Variants in FHOD3 observed in about 807,000 individuals in gnomAD.
The protein encoded by FHOD3 is FH1/FH2 domain-containing protein 3.
Under a neutral mutation model 173.0 loss-of-function variants are expected in FHOD3, and 90 were observed. The ratio of observed to expected loss-of-function variants is 0.52; its 90% CI spans 0.44 to 0.62. The LOEUF (loss-of-function observed/expected upper bound fraction) is 0.62. Ranked by LOEUF, FHOD3 falls within the 20% of genes least tolerant of loss-of-function variation. The pLI, the probability that FHOD3 is intolerant of heterozygous loss-of-function variation, is 0.00. For missense variants in FHOD3, 1,945 were observed against 2,034.7 expected (o/e 0.96, Z 0.85); for synonymous variants, 828 against 823.0 (o/e 1.01, Z -0.10).
chr18:36,776,863 C>T (rs1361337874), intron 28 of FHOD3, among the ~76,000 whole-genome samples: 2 of 152,178 alleles, frequency 1.3e-5, no homozygotes, highest in African/African-American at 4.8e-5. Flanking sequence ...TAGTTCTGTT[C>T]TCTGAGCCTG....
chr18:36,549,817 G>A (rs1019237145), intron 5 of FHOD3, among the ~76,000 whole-genome samples: 9 of 151,204 alleles, frequency 6.0e-5, no homozygotes, highest in Non-Finnish European at 1.2e-4. Flanking sequence ...CAAAATGCTG[G>A]GATTACAGGC....
chr18:36,649,199 A>C, intron 10 of FHOD3, 117 bp from the exon 11 acceptor site: 2 of 580,462 alleles, frequency 3.4e-6, no homozygotes, highest in Non-Finnish European at 5.6e-6. Flanking sequence ...TTTAATTATT[A>C]TTATTTCGTT....
At chr18:36,740,273 ACAAAAGT>A (rs2041841574) in intron 20 of FHOD3, among the ~76,000 whole-genome samples, 1 of 152,222 alleles carries the variant, frequency 6.6e-6, no homozygotes, top group Non-Finnish European at 1.5e-5. Flanking sequence ...TGTCACATGA[ACAAAAGT>A]CAATCTGAGT....
intron 1 of FHOD3, among the ~76,000 whole-genome samples, chr18:36,332,622 T>A (rs2045080707): frequency 6.6e-6 from 1 of 152,222 alleles, no homozygotes; most frequent in African/African-American, 2.4e-5. Context: ...TGTTTCTGTG[T>A]CCTAGACAAC....
intron 3 of FHOD3, among the ~76,000 whole-genome samples, chr18:36,441,881 AT>A (rs1458469165): frequency 1.3e-5 from 2 of 152,162 alleles, no homozygotes; most frequent in Admixed American, 6.5e-5. Flanking sequence ...ACGTTGCATG[AT>A]TTTTTTAAAA....
chr18:36,446,890 T>G (rs1282515990), intron 3 of FHOD3, among the ~76,000 whole-genome samples: 1 of 151,990 alleles, frequency 6.6e-6, no homozygotes, highest in African/African-American at 2.4e-5. Flanking sequence ...ACTAAAAACT[T>G]CTAAAATGAA....
intron 9 of FHOD3, among the ~76,000 whole-genome samples, chr18:36,618,261 A>T (rs1443082680): frequency 7.2e-6 from 1 of 138,448 alleles, no homozygotes; most frequent in Admixed American, 7.1e-5. Context: ...TCTTTTAACC[A>T]TCATTGCATT....
At chr18:36,419,050 A>T (rs985983880) in intron 3 of FHOD3, among the ~76,000 whole-genome samples, 2 of 152,124 alleles carry the variant, frequency 1.3e-5, no homozygotes, top group African/African-American at 4.8e-5. Flanking sequence ...TATGGTTCTA[A>T]AAAGAACTTA....
chr18:36,494,983 C>G (rs1305736669), intron 3 of FHOD3, among the ~76,000 whole-genome samples: 2 of 152,170 alleles, frequency 1.3e-5, no homozygotes, highest in African/African-American at 4.8e-5. Context: ...CGCTCTGTCG[C>G]CAAGGCTGGA....
At chr18:36,779,328 T>C (rs1055510909) in intron 28 of FHOD3, 120 bp from the exon 29 acceptor site, 1 of 845,740 alleles carries the variant, frequency 1.2e-6, no homozygotes, top group African/African-American at 1.7e-5. Flanking sequence ...GTGAACCCTC[T>C]GGCTTCTCTG....
At chr18:36,379,823 CCCATG>C (rs560181484) in intron 3 of FHOD3, among the ~76,000 whole-genome samples, 1 of 152,124 alleles carries the variant, frequency 6.6e-6, no homozygotes, top group South Asian at 2.1e-4. Context: ...TTTGGCTGTC[CCCATG>C]AAGAGACAAC....
chr18:36,560,073 C>T (rs1448251215), intron 5 of FHOD3, among the ~76,000 whole-genome samples: 2 of 152,146 alleles, frequency 1.3e-5, no homozygotes, highest in East Asian at 1.9e-4. Flanking sequence ...TTTCAGGAAC[C>T]GTCCTTGGGC....
At chr18:36,378,514 G>C (rs1465383709) in intron 3 of FHOD3, among the ~76,000 whole-genome samples, 1 of 151,092 alleles carries the variant, frequency 6.6e-6, no homozygotes, top group Non-Finnish European at 1.5e-5. Context: ...ACTCTGTGTG[G>C]GTAGCTGCCT....
chr18:36,700,098 G>C (rs912079042), intron 17 of FHOD3, among the ~76,000 whole-genome samples: 1 of 152,060 alleles, frequency 6.6e-6, no homozygotes, highest in Non-Finnish European at 1.5e-5. Flanking sequence ...TTTTCACTAC[G>C]TGGTGGGTTT....
chr18:36,750,227 G>T (rs1185015057), intron 24 of FHOD3, among the ~76,000 whole-genome samples: 1 of 152,160 alleles, frequency 6.6e-6, no homozygotes, highest in Non-Finnish European at 1.5e-5. Flanking sequence ...GGTGGAGCTT[G>T]CAGTGAGCCG....
intron 2 of FHOD3, among the ~76,000 whole-genome samples, chr18:36,371,013 T>C (rs1479430120): frequency 6.6e-6 from 1 of 152,224 alleles, no homozygotes; most frequent in Non-Finnish European, 1.5e-5. Flanking sequence ...GGAGAATATG[T>C]TTTTGTGGAA....
rs146381690 is a variant in FHOD3, at chr18:36,418,856, A to G, written c.337+46112A>G. Among the ~76,000 whole-genome samples, 582 of 152,208 alleles carry G rather than the reference A, an allele frequency of 3.8e-3. 6 individuals carry two copies. Among genetic ancestry groups the G allele is most frequent in the African/African-American group, 0.013 (550 of 41,554 alleles). ...TTGAGCCCGGGAGGCAGAGGTTGCA[A>G]TGAGCCGAGATCGCGCCATTGCACT... On this transcript the variant is annotated intron_variant, in intron 3 of 28. Transcript: ENST00000590592.
intron 2 of FHOD3, among the ~76,000 whole-genome samples, chr18:36,362,207 C>T (rs536929093): frequency 3.3e-5 from 5 of 152,204 alleles, no homozygotes; most frequent in Admixed American, 2.0e-4. Flanking sequence ...GATGTAACCC[C>T]CTGGGGGGAC....
chr18:36,395,546 T>C (rs958595131), intron 3 of FHOD3, among the ~76,000 whole-genome samples: 4 of 152,202 alleles, frequency 2.6e-5, no homozygotes, highest in Admixed American at 2.0e-4. Context: ...TTCTTTTTTT[T>C]CATAATAATT....
Sources: gnomAD v4.1 joint callset for allele counts (sites outside exome capture counted in the v4.1 genomes callset) on GRCh38, gnomAD v4.1.1 for gene constraint, MANE v1.5 for transcripts, NCBI Gene and HGNC (gene_info 2026-07-23, HGNC 2026-07-21) for gene names.